KIAA1217: variants seen among roughly 807,000 people sequenced by gnomAD.
The protein encoded by KIAA1217 is sickle tail protein homolog.
A neutral mutation model predicts 163.9 loss-of-function variants in KIAA1217; 88 were observed. That is an observed-to-expected ratio of 0.54 (90% confidence interval 0.45 to 0.64). The LOEUF (loss-of-function observed/expected upper bound fraction) is 0.64, where lower values mean the gene tolerates loss of function less well. Ranked by LOEUF, KIAA1217 falls within the 30% of genes least tolerant of loss-of-function variation. The probability of loss-of-function intolerance (pLI) is 0.00; values close to 1 mark genes in which losing one functional copy is unlikely to be tolerated. For synonymous variants in KIAA1217, 903 were observed against 923.1 expected (o/e 0.98, Z 0.39); for missense variants, 2,372 against 2,475.0 (o/e 0.96, Z 0.88).
chr10:24,389,205 G>A (rs1043177649), intron 3 of KIAA1217, among the ~76,000 whole-genome samples: 3 of 152,172 alleles, frequency 2.0e-5, no homozygotes, highest in African/African-American at 7.2e-5. Context: ...TATACACCAT[G>A]TAATACTATG....
chr10:24,264,710 A>C (rs1052048178), intron 2 of KIAA1217, among the ~76,000 whole-genome samples: 9 of 151,748 alleles, frequency 5.9e-5, no homozygotes, highest in African/African-American at 1.7e-4. Context: ...GTTACCACCA[A>C]CATTTTTCTT....
upstream of KIAA1217, among the ~76,000 whole-genome samples, chr10:24,207,159 A>C (rs140561002): frequency 5.3e-3 from 810 of 152,196 alleles, 8 homozygotes; most frequent in African/African-American, 0.018. Context: ...AATGACAGGT[A>C]GGAGCTGTTA....
chr10:24,359,140 A>C (rs1001652957), intron 2 of KIAA1217, among the ~76,000 whole-genome samples: 5 of 130,538 alleles, frequency 3.8e-5, no homozygotes, highest in African/African-American at 1.5e-4. Flanking sequence ...CCCAGGCTGG[A>C]GTGCAGTGGT....
chr10:24,436,446 C>T (rs1191842664), intron 4 of KIAA1217, among the ~76,000 whole-genome samples: 1 of 145,698 alleles, frequency 6.9e-6, no homozygotes, highest in Non-Finnish European at 1.5e-5. Flanking sequence ...AAATTTTCAC[C>T]ACCAGCATTA....
chr10:24,233,176 T>C (rs1475585746), intron 2 of KIAA1217, among the ~76,000 whole-genome samples: 1 of 152,032 alleles, frequency 6.6e-6, no homozygotes, highest in Admixed American at 6.6e-5. Context: ...ATCTGCCCTC[T>C]CTTAGTCCAT....
At chr10:24,389,113 G>A (rs1003389335) in intron 3 of KIAA1217, among the ~76,000 whole-genome samples, 2 of 152,032 alleles carry the variant, frequency 1.3e-5, no homozygotes, top group Non-Finnish European at 2.9e-5. Context: ...TACGTTTATT[G>A]CAGCACTATT....
Position 23,837,037 on chromosome 10 carries a change from G to A in KIAA1217, c.-321+141803G>A, listed in dbSNP as rs112065567. On this transcript the variant is annotated intron_variant, in intron 1 of 18. Coordinates refer to the KIAA1217 transcript ENST00000376462. ...GCCCAGCAACCCCTCCAAATCTCAC[G>A]TGTCTATAATTCCACACTCTATGTT... 4.9e-3 allele frequency among the ~76,000 whole-genome samples: 748 copies of A among 152,178 alleles called. 11 individuals carry two copies. The highest frequency in any genetic ancestry group is 0.016 in the African/African-American group (658 of 41,536).
chr10:24,330,168 C>T (rs995589775), intron 2 of KIAA1217, among the ~76,000 whole-genome samples: 3 of 151,830 alleles, frequency 2.0e-5, no homozygotes, highest in African/African-American at 4.8e-5. Context: ...GGCGTGGTGG[C>T]GTGCACCTGT....
chr10:24,352,612 G>A (rs1324224621), intron 2 of KIAA1217, among the ~76,000 whole-genome samples: 4 of 151,994 alleles, frequency 2.6e-5, no homozygotes, highest in Non-Finnish European at 1.5e-5. Flanking sequence ...CAGTAATCTT[G>A]CCTTGAAAAA....
intron 2 of KIAA1217, among the ~76,000 whole-genome samples, chr10:24,036,031 C>T (rs1242076676): frequency 6.6e-6 from 1 of 152,190 alleles, no homozygotes; most frequent in Non-Finnish European, 1.5e-5. Flanking sequence ...CATTAGAGCC[C>T]AGGTGAAGGC....
chr10:24,512,319 A>G (rs1254243211), intron 9 of KIAA1217, among the ~76,000 whole-genome samples: 2 of 152,172 alleles, frequency 1.3e-5, no homozygotes, highest in South Asian at 4.1e-4. Flanking sequence ...GTTAAATGAT[A>G]TTTCAGTGGA....
intron 2 of KIAA1217, among the ~76,000 whole-genome samples, chr10:24,090,022 A>C (rs1432366170): frequency 6.6e-6 from 1 of 151,778 alleles, no homozygotes; most frequent in Non-Finnish European, 1.5e-5. Flanking sequence ...TGGAGGCATC[A>C]GGCTCTCTAT....
chr10:23,916,515 C>CT lies in KIAA1217; in HGVS notation c.-320-90708dup, dbSNP rs1267913434. Among the ~76,000 whole-genome samples, 3 of 138,850 alleles carry CT rather than the reference C, an allele frequency of 2.2e-5. No homozygotes were observed. In the East Asian group the frequency reaches 6.3e-4, roughly 29 times the overall value. The allele number at this position is 138,850 out of a possible 152,430, so 91.1% of individuals were successfully genotyped here. A position where few individuals can be genotyped will look rare whatever the true frequency, so the allele number is the denominator to read the frequency against. The stretch of plus-strand genomic sequence containing the variant: ...GATCTCACTGAATTGCAGTCGCTTG[C>CT]TTGTTTATTTAATGCTCTGGTAGTG... On this transcript the variant is annotated intron_variant, in intron 1 of 18. Coordinates refer to the KIAA1217 transcript ENST00000376462.
intron 1 of KIAA1217, among the ~76,000 whole-genome samples, chr10:23,942,466 T>C (rs1365021292): frequency 6.6e-6 from 1 of 152,214 alleles, no homozygotes. Context: ...TCTATTAATT[T>C]GATTTCAGAT....
intron 5 of KIAA1217, among the ~76,000 whole-genome samples, chr10:24,455,767 A>G (rs1564710565): frequency 6.6e-6 from 1 of 152,240 alleles, no homozygotes; most frequent in Non-Finnish European, 1.5e-5. Context: ...GTGATTATAG[A>G]TAATTGCAAT....
At chr10:24,381,152 A>G (rs2053240935) in intron 3 of KIAA1217, 85 bp downstream of exon 3, 7 of 1,002,142 alleles carry the variant, frequency 7.0e-6, no homozygotes, top group Non-Finnish European at 8.3e-6. Context: ...TCTTTCATTC[A>G]ACATTAATTT....
chr10:24,195,523 A>C (rs1185328325), intron 2 of KIAA1217, among the ~76,000 whole-genome samples: 1 of 152,160 alleles, frequency 6.6e-6, no homozygotes, highest in Non-Finnish European at 1.5e-5. Flanking sequence ...ACTGGGGATA[A>C]GCGTTTCTGT....
intron 2 of KIAA1217, among the ~76,000 whole-genome samples, chr10:24,376,581 AGT>A (rs2134665254): frequency 6.6e-6 from 1 of 152,296 alleles, no homozygotes; most frequent in South Asian, 2.1e-4. Context: ...TGGGCAACAA[AGT>A]GAGACCTCGT....
intron 3 of KIAA1217, among the ~76,000 whole-genome samples, chr10:24,423,934 A>G (rs1048209957): frequency 6.6e-6 from 1 of 152,210 alleles, no homozygotes. Flanking sequence ...AAAGTCTTAC[A>G]TTGTCCTCAA....
Sources: gnomAD v4.1 joint callset for allele counts (sites outside exome capture counted in the v4.1 genomes callset) on GRCh38, gnomAD v4.1.1 for gene constraint, MANE v1.5 for transcripts, NCBI Gene and HGNC (gene_info 2026-07-23, HGNC 2026-07-21) for gene names.